The following SMAP1 variants were observed in gnomAD, a reference collection of about 807,000 sequenced individuals.
SMAP1 encodes the protein stromal membrane-associated protein 1.
SMAP1 carries 24 observed loss-of-function variants against 58.5 expected under a neutral mutation model. That is an observed-to-expected ratio of 0.41 (90% CI 0.30 to 0.58). SMAP1 has a LOEUF of 0.58. Ranked by LOEUF, SMAP1 falls within the 20% of genes least tolerant of loss-of-function variation. The probability of loss-of-function intolerance (pLI) is 0.29; values close to 1 mark genes in which losing one functional copy is unlikely to be tolerated. For missense variants in SMAP1, 563 were observed against 566.3 expected, an observed-to-expected ratio of 0.99 and a Z score of 0.06; for synonymous variants, 216 against 196.6, an observed-to-expected ratio of 1.10 and a Z score of -0.82.
intron 2 of SMAP1, among the ~76,000 whole-genome samples, chr6:70,745,873 A>G (rs1170489960): frequency 6.6e-6 from 1 of 152,080 alleles, no homozygotes; most frequent in Non-Finnish European, 1.5e-5. Flanking sequence ...GTAGGTCTCC[A>G]TGAAGAGGTC....
intron 4 of SMAP1, among the ~76,000 whole-genome samples, chr6:70,773,857 A>G (rs1426878052): frequency 2.0e-5 from 3 of 152,204 alleles, no homozygotes; most frequent in Non-Finnish European, 4.4e-5. Context: ...TACATTTGTT[A>G]TTAGCAAGCA....
intron 3 of SMAP1, among the ~76,000 whole-genome samples, chr6:70,771,782 T>C (rs1045014438): frequency 3.9e-5 from 6 of 152,164 alleles, no homozygotes; most frequent in African/African-American, 1.2e-4. Flanking sequence ...TGTCTGGTAC[T>C]CCCTAGTGAG....
In SMAP1 at chr6:70,842,138, A is replaced by AG. The variant is rs1377191753; in HGVS notation, c.664+5112dup. On this transcript the variant is annotated intron_variant, in intron 7 of 10. Coordinates refer to ENST00000370455, the MANE Select transcript of SMAP1 (RefSeq NM_001044305.3). The stretch of plus-strand genomic sequence containing the variant: ...TCCCCTTCTCTTGGAGGAGGATTGA[A>AG]GGTGAGGAAGACTGTAGCAGAAGTG... 8.5e-5 allele frequency among the ~76,000 whole-genome samples: 13 copies of AG among 152,330 alleles called. No homozygotes were observed. The South Asian group carries it at 1.9e-3, about 22-fold the overall frequency.
chr6:70,726,486 G>C (rs563070590), intron 1 of SMAP1, among the ~76,000 whole-genome samples: 12 of 152,286 alleles, frequency 7.9e-5, no homozygotes, highest in Non-Finnish European at 1.2e-4. Flanking sequence ...ATTGGAGAAG[G>C]CTTTATAGAA....
intron 2 of SMAP1, among the ~76,000 whole-genome samples, chr6:70,750,085 C>T (rs575621146): frequency 2.8e-4 from 42 of 152,268 alleles, no homozygotes; most frequent in South Asian, 2.1e-3. Flanking sequence ...CTGACAGTGA[C>T]GTAAACTTGG....
At chr6:70,759,583 C>T (rs1046074030) in intron 3 of SMAP1, among the ~76,000 whole-genome samples, 6 of 152,016 alleles carry the variant, frequency 3.9e-5, no homozygotes, top group African/African-American at 9.7e-5. Flanking sequence ...GGTATCCTCA[C>T]TTATTGAACT....
rs548857829 is a variant in SMAP1 at position 70,722,068 on chromosome 6, A to G, written c.119-10310A>G. On this transcript the variant is annotated intron_variant, in intron 1 of 10. Coordinates refer to ENST00000370455, the MANE Select transcript of SMAP1 (RefSeq NM_001044305.3). Reference sequence around the variant, plus strand: ...TATCATTGATATCTATAGAACTTACATTTCATCAATTGTCACAATAATGTC... The same window carrying G: ...TATCATTGATATCTATAGAACTTACGTTTCATCAATTGTCACAATAATGTC... 2.0e-5 allele frequency among the ~76,000 whole-genome samples: 3 copies of G among 152,210 alleles called. No individual in the cohort carries two copies. In the South Asian group the frequency reaches 6.2e-4, roughly 31 times the overall value.
intron 1 of SMAP1, among the ~76,000 whole-genome samples, chr6:70,724,408 C>A (rs1001843358): frequency 1.3e-5 from 2 of 152,110 alleles, no homozygotes; most frequent in African/African-American, 4.8e-5. Context: ...GTTGGCCAGG[C>A]TGGTCTTGAA....
At chr6:70,794,195 G>T (rs763630433) in intron 5 of SMAP1, among the ~76,000 whole-genome samples, 18 of 152,134 alleles carry the variant, frequency 1.2e-4, no homozygotes, top group Non-Finnish European at 5.9e-5. Context: ...TTTCAAGAAC[G>T]ACTATTTTAA....
At chr6:70,758,517 T>A (rs753158806) in intron 3 of SMAP1, among the ~76,000 whole-genome samples, 10 of 151,712 alleles carry the variant, frequency 6.6e-5, no homozygotes, top group Non-Finnish European at 8.8e-5. Flanking sequence ...ACTTAAAGTA[T>A]AATAAAAATA....
intron 3 of SMAP1, among the ~76,000 whole-genome samples, chr6:70,769,466 T>G (rs1767169194): frequency 6.6e-6 from 1 of 152,240 alleles, no homozygotes; most frequent in Admixed American, 6.5e-5. Flanking sequence ...TTTAGGATAG[T>G]TAGCTCTTCT....
chr6:70,712,795 TTC>T (rs1768110506), intron 1 of SMAP1, among the ~76,000 whole-genome samples: 1 of 150,232 alleles, frequency 6.7e-6, no homozygotes, highest in African/African-American at 2.4e-5. Flanking sequence ...TTTTTTTCTT[TTC>T]TTTTTTTTTT....
chr6:70,758,122 A>G (rs905304294), intron 3 of SMAP1, among the ~76,000 whole-genome samples: 8 of 150,796 alleles, frequency 5.3e-5, no homozygotes, highest in Admixed American at 1.3e-4. Flanking sequence ...AACCAACCCA[A>G]ATGTCCAACA....
chr6:70,787,210 T>A (rs1458120730), intron 4 of SMAP1, among the ~76,000 whole-genome samples: 2 of 152,104 alleles, frequency 1.3e-5, no homozygotes, highest in African/African-American at 4.8e-5. Context: ...ACGATTCCCT[T>A]TTTAATAAAT....
At chr6:70,735,633 G>T (rs1765590250) in intron 2 of SMAP1, among the ~76,000 whole-genome samples, 1 of 152,106 alleles carries the variant, frequency 6.6e-6, no homozygotes, top group Non-Finnish European at 1.5e-5. Flanking sequence ...GCAGGGTGTG[G>T]TAACACACAC....
intron 6 of SMAP1, among the ~76,000 whole-genome samples, chr6:70,803,143 T>C (rs1236459968): frequency 6.6e-6 from 1 of 152,218 alleles, no homozygotes; most frequent in Non-Finnish European, 1.5e-5. Flanking sequence ...TCCTGGACTT[T>C]TTTTGGTTGG....
At chr6:70,791,163 T>C (rs1768333814) in intron 4 of SMAP1, among the ~76,000 whole-genome samples, 1 of 152,230 alleles carries the variant, frequency 6.6e-6, no homozygotes, top group African/African-American at 2.4e-5. Context: ...TACATTAATC[T>C]GCTCTTCTTT....
chr6:70,718,116 T>A (rs1562111864), intron 1 of SMAP1, among the ~76,000 whole-genome samples: 1 of 152,148 alleles, frequency 6.6e-6, no homozygotes, highest in Admixed American at 6.6e-5. Context: ...ACTTAAAAAA[T>A]TTTATTGTTT....
chr6:70,689,070 G>C (rs1767049762), intron 1 of SMAP1, among the ~76,000 whole-genome samples: 1 of 151,984 alleles, frequency 6.6e-6, no homozygotes, highest in African/African-American at 2.4e-5. Flanking sequence ...TGCGATCTGG[G>C]CTCACTGCAT....
Sources: gnomAD v4.1 joint callset for allele counts (sites outside exome capture counted in the v4.1 genomes callset) on GRCh38, gnomAD v4.1.1 for gene constraint, MANE v1.5 for transcripts, NCBI Gene and HGNC (gene_info 2026-07-23, HGNC 2026-07-21) for gene names.